INHBA: variants seen among roughly 807,000 people sequenced by gnomAD.
The protein encoded by INHBA is inhibin subunit beta A, also known as inhibin beta A chain.
A neutral mutation model predicts 29.0 loss-of-function variants in INHBA; 1 was observed. The observed-to-expected ratio is 0.03, with a 90% CI of 0.01 to 0.16. The LOEUF (loss-of-function observed/expected upper bound fraction) is 0.16. INHBA is among the 10% of genes least tolerant of loss of function. The pLI is 1.00. For missense variants in INHBA, 376 were observed against 545.4 expected, an observed-to-expected ratio of 0.69 and a Z score of 3.09; for synonymous variants, 242 against 216.8, an observed-to-expected ratio of 1.12 and a Z score of -1.02.
chr7:41,689,512 T>C lies in INHBA; in HGVS notation c.*138A>G. The C allele has an allele frequency of 2.7e-6, 2 of 739,008 alleles. No individual in the cohort carries two copies. Among genetic ancestry groups the C allele is most frequent in the East Asian group, 3.1e-5 (1 of 31,952 alleles). 45.8% of individuals were successfully genotyped at this position (739,008 alleles called of 1,614,324 possible). A position where few individuals can be genotyped will look rare whatever the true frequency, so the allele number is the denominator to read the frequency against. On this transcript the variant is annotated 3_prime_UTR_variant, in exon 3 of 3. Coordinates refer to ENST00000242208, the MANE Select transcript of INHBA (RefSeq NM_002192.4). ...TCAGGTTTTGTTTTTAATTTACTTT[T>C]GTTTTTTTTTGTTTTTTTTTTTGTT...
chr7:41,690,583 G>A, intron 2 of INHBA, 41 bp from the exon 3 acceptor site: 1 of 1,506,614 alleles, frequency 6.6e-7, no homozygotes, highest in Non-Finnish European at 8.8e-7. Flanking sequence ...AGGCACACCT[G>A]TTAATTCCAA....
Position 41,690,399 on chromosome 7 carries a change from G to C in INHBA, c.532C>G (p.Gln178Glu). 1 of 1,614,096 alleles carries C rather than the reference G, an allele frequency of 6.2e-7. No individual in the cohort carries two copies. The part of the protein sequence containing the change: ...RTKVTIRLFQ[Q>E]QKHPQGSLDT... The stretch of plus-strand genomic sequence containing the variant: ...AAGCTGCCCTGCGGGTGCTTCTGCT[G>C]CTGGAAGAGGCGGATGGTGACTTTG... Residue 178 changes from glutamine (Q) to glutamate (E), a missense_variant, in exon 3 of 3, where the codon CAG becomes GAG. Gln to Glu is a conservative substitution (Grantham distance 29). Around this residue, in one of 4 missense-constraint regions of INHBA, gnomAD observed 253 missense variants for 313.4 expected, o/e 0.81. Transcript: ENST00000242208.
chr7:41,699,779 G>T (rs766266733), intron 2 of INHBA, among the ~76,000 whole-genome samples: 1 of 152,028 alleles, frequency 6.6e-6, no homozygotes, highest in Admixed American at 6.5e-5. Flanking sequence ...GGCAGAGCTC[G>T]ACCGAGAATT....
Position 41,690,118 on chromosome 7 carries a change from CT to C in INHBA, c.812del (p.Lys271ArgfsTer88). On this transcript the variant is annotated frameshift_variant, in exon 3 of 3. Coordinates refer to ENST00000242208, the MANE Select transcript of INHBA (RefSeq NM_002192.4). LOFTEE classifies it high-confidence loss of function. Reference protein sequence around the residue: ...KKKEEEGEGKKKGGGEGGAGA... With the variant: ...KKKEEEGEGKXKGGGEGGAGA... Reference sequence around the variant, plus strand: ...CTGCCCCACCTTCACCTCCGCCCTTCTTTTTCCCTTCCCCCTCCTCTTCTTT... The same window carrying C: ...CTGCCCCACCTTCACCTCCGCCCTTCTTTTCCCTTCCCCCTCCTCTTCTTT... 6.2e-7 allele frequency: 1 copy of C among 1,613,684 alleles called. No homozygotes were observed.
rs925347100 is a variant in INHBA, at chr7:41,686,141, A to G, written c.*3509T>C. On this transcript the variant is annotated 3_prime_UTR_variant, in exon 3 of 3. Coordinates refer to ENST00000242208, the MANE Select transcript of INHBA (RefSeq NM_002192.4). ...GATTCTCCTTGAAAACGGAGTATGGAATCAATCTTAAATAAATATGAAATT... is the reference window on the plus strand; with the variant it reads ...GATTCTCCTTGAAAACGGAGTATGGGATCAATCTTAAATAAATATGAAATT... 3.3e-5 allele frequency: 5 copies of G among 152,270 alleles called. No homozygotes were observed. The highest frequency in any genetic ancestry group is 1.2e-4 in the African/African-American group (5 of 41,566). 9.4% of individuals were successfully genotyped at this position (152,270 alleles called of 1,614,324 possible).
At chr7:41,696,087 C>T (rs751329069) in intron 2 of INHBA, among the ~76,000 whole-genome samples, 1 of 152,142 alleles carries the variant, frequency 6.6e-6, no homozygotes, top group Non-Finnish European at 1.5e-5. Context: ...CGGAAACAAA[C>T]GCATCCTCAG....
chr7:41,688,906 G>A lies in INHBA; in HGVS notation c.*744C>T, dbSNP rs1794439282. On this transcript the variant is annotated 3_prime_UTR_variant, in exon 3 of 3. Transcript: ENST00000242208. ...AACCTATTAGGTTGCATAGTTCTAAGATCATAAGCACCTTAACGAAATGTA... is the reference window on the plus strand; with the variant it reads ...AACCTATTAGGTTGCATAGTTCTAAAATCATAAGCACCTTAACGAAATGTA... 3 of 228,924 alleles carry A rather than the reference G, an allele frequency of 1.3e-5. No individual in the cohort carries two copies. The highest frequency in any genetic ancestry group is 5.7e-5 in the Admixed American group (1 of 17,616). The allele number at this position is 228,924 out of a possible 1,614,324, so 14.2% of individuals were successfully genotyped here.
chr7:41,690,814 TG>T (rs1351337089), intron 2 of INHBA, among the ~76,000 whole-genome samples: 1 of 152,230 alleles, frequency 6.6e-6, no homozygotes, highest in Non-Finnish European at 1.5e-5. Context: ...AATAAAGTTT[TG>T]TTGGAGCATG....
rs201290503 is a variant in INHBA, at chr7:41,690,397, C to T, written c.534G>A (p.Gln178=). The stretch of plus-strand genomic sequence containing the variant: ...CCAAGCTGCCCTGCGGGTGCTTCTG[C>T]TGCTGGAAGAGGCGGATGGTGACTT... ...RTKVTIRLFQ[Q]QKHPQGSLDT... The change falls in exon 3 of 3, where the codon CAG becomes CAA. Residue 178 remains glutamine (Q), a synonymous_variant. Coordinates refer to ENST00000242208, the MANE Select transcript of INHBA (RefSeq NM_002192.4). The T allele has an allele frequency of 2.8e-4, 446 of 1,614,116 alleles. No homozygotes were observed. Among genetic ancestry groups the T allele is most frequent in the Middle Eastern group, 3.3e-4 (2 of 6,062 alleles).
In INHBA at chr7:41,686,435, C is replaced by T. The variant is rs918565431; in HGVS notation, c.*3215G>A. 1.3e-5 allele frequency: 2 copies of T among 151,998 alleles called. No individual in the cohort carries two copies. The highest frequency in any genetic ancestry group is 4.8e-5 in the African/African-American group (2 of 41,374). 9.4% of individuals were successfully genotyped at this position (151,998 alleles called of 1,614,324 possible). The stretch of plus-strand genomic sequence containing the variant: ...AGAAAAAAACATACTACTAAGAATC[C>T]CATATGTTATAATTTAAAGCCTTTA... On this transcript the variant is annotated 3_prime_UTR_variant, in exon 3 of 3. Transcript: ENST00000242208.
intron 2 of INHBA, among the ~76,000 whole-genome samples, chr7:41,697,169 A>G (rs985111041): frequency 5.3e-5 from 8 of 152,156 alleles, no homozygotes; most frequent in Admixed American, 3.9e-4. Context: ...CATCCCTTCT[A>G]TCTTTCCTTG....
At chr7:41,699,951 C>T (rs775884417) in intron 2 of INHBA, 36 bp downstream of exon 2, 16 of 226,236 alleles carry the variant, frequency 7.1e-5, no homozygotes, top group Non-Finnish European at 1.9e-5. Context: ...TCCCACCCCC[C>T]ACCCCTCCCC....
intron 2 of INHBA, 32 bp from the exon 3 acceptor site, chr7:41,690,574 G>C (rs1451243460): frequency 5.9e-6 from 9 of 1,528,090 alleles, no homozygotes; most frequent in Non-Finnish European, 7.9e-6. Context: ...AGAGAAAACA[G>C]GCACACCTGT....
chr7:41,695,148 G>T (rs1794617239), intron 2 of INHBA, among the ~76,000 whole-genome samples: 1 of 152,168 alleles, frequency 6.6e-6, no homozygotes, highest in South Asian at 2.1e-4. Flanking sequence ...ACACACACAT[G>T]CAGTGTTTCG....
At chr7:41,697,643 G>T (rs1208974973) in intron 2 of INHBA, among the ~76,000 whole-genome samples, 2 of 152,168 alleles carry the variant, frequency 1.3e-5, no homozygotes, top group Non-Finnish European at 2.9e-5. Context: ...ATAAGGGAAA[G>T]AAAAATGCAT....
At chr7:41,704,223 C>T (rs147701840), upstream of INHBA, among the ~76,000 whole-genome samples, 235 of 152,110 alleles carry the variant, frequency 1.5e-3, no homozygotes, top group African/African-American at 5.4e-3. Flanking sequence ...AAGCAGGTTC[C>T]ATTAGGACAC....
upstream of INHBA, among the ~76,000 whole-genome samples, chr7:41,703,463 A>T (rs1794841065): frequency 6.6e-6 from 1 of 152,140 alleles, no homozygotes; most frequent in African/African-American, 2.4e-5. Flanking sequence ...TACTTCATGA[A>T]GTTGCTTCTA....
chr7:41,696,865 G>A (rs1794661535), intron 2 of INHBA, among the ~76,000 whole-genome samples: 1 of 152,132 alleles, frequency 6.6e-6, no homozygotes, highest in Non-Finnish European at 1.5e-5. Context: ...CCAAGGGGTA[G>A]ACTTATGTGT....
chr7:41,689,250 T>C lies in INHBA; in HGVS notation c.*400A>G, dbSNP rs902185714. ...CAAACTCATGGCTTTCTAGATGCTA[T>C]TTGGGTTGTTCTAGTCCACACTACT... On this transcript the variant is annotated 3_prime_UTR_variant, in exon 3 of 3. Transcript: ENST00000242208. 4.2e-6 allele frequency: 1 copy of C among 239,626 alleles called. No individual in the cohort carries two copies. Among genetic ancestry groups the C allele is most frequent in the Non-Finnish European group, 8.2e-6 (1 of 122,698 alleles). 14.8% of individuals were successfully genotyped at this position (239,626 alleles called of 1,614,324 possible).
Sources: allele counts gnomAD v4.1 joint callset (sites outside exome capture counted in the v4.1 genomes callset), GRCh38; gene constraint gnomAD v4.1.1; regional missense constraint gnomAD v4.1.1; transcripts MANE v1.5; gene names NCBI Gene and HGNC (gene_info 2026-07-23, HGNC 2026-07-21).